Variants in FBXO42 observed in about 807,000 individuals in gnomAD.
FBXO42 encodes F-box protein 42, also known as F-box only protein 42.
A neutral mutation model predicts 71.7 loss-of-function variants in FBXO42; 12 were observed. That is an observed-to-expected ratio of 0.17 (90% CI 0.11 to 0.27). The LOEUF (loss-of-function observed/expected upper bound fraction) is 0.27. FBXO42 is among the 10% of genes least tolerant of loss of function. The probability of loss-of-function intolerance (pLI) is 1.00; values close to 1 mark genes in which losing one functional copy is unlikely to be tolerated. For synonymous variants in FBXO42, 325 were observed against 327.5 expected (o/e 0.99, Z 0.08); for missense variants, 707 against 911.9 (o/e 0.78, Z 2.89).
intron 1 of FBXO42, among the ~76,000 whole-genome samples, chr1:16,345,926 G>A (rs1450982273): frequency 6.6e-6 from 1 of 151,190 alleles, no homozygotes; most frequent in Admixed American, 6.6e-5. Context: ...GATACAAGGT[G>A]AATCCGGGAT....
In FBXO42 at chr1:16,250,474, A is replaced by AATATAT. The variant is rs527475077; in HGVS notation, c.*190_*195dup. 834 of 167,974 alleles carry AATATAT rather than the reference A, an allele frequency of 5.0e-3. 9 individuals carry two copies. Among genetic ancestry groups the AATATAT allele is most frequent in the African/African-American group, 0.02 (797 of 40,850 alleles). 10.4% of individuals were successfully genotyped at this position (167,974 alleles called of 1,614,324 possible). A position where few individuals can be genotyped will look rare whatever the true frequency, so the allele number is the denominator to read the frequency against. On this transcript the variant is annotated 3_prime_UTR_variant, in exon 10 of 10. Coordinates refer to ENST00000375592, the MANE Select transcript of FBXO42 (RefSeq NM_018994.3). The surrounding 1 kb of genome is among the most constrained non-coding windows in gnomAD (Gnocchi z 4.7). ...TTTTTGTCAACAGAGTTGGCTATATAATATATATATATATATTTATATATA... is the reference window on the plus strand; with the variant it reads ...TTTTTGTCAACAGAGTTGGCTATATAATATATATATATATATATATATTTATATATA...
intron 2 of FBXO42, among the ~76,000 whole-genome samples, chr1:16,309,417 T>C (rs1405492782): frequency 1.3e-5 from 2 of 152,028 alleles, no homozygotes; most frequent in African/African-American, 2.4e-5. Context: ...CCAAAAATGA[T>C]GCTGAAATAA....
At chr1:16,278,368 A>C (rs900533782) in intron 4 of FBXO42, among the ~76,000 whole-genome samples, 6 of 151,506 alleles carry the variant, frequency 4.0e-5, no homozygotes, top group Non-Finnish European at 5.9e-5. Context: ...AAAAAAAAAA[A>C]CAAAAAACAA....
At chr1:16,336,685 TAGA>T (rs1406710422) in intron 1 of FBXO42, among the ~76,000 whole-genome samples, 1 of 151,466 alleles carries the variant, frequency 6.6e-6, no homozygotes, top group African/African-American at 2.4e-5. Flanking sequence ...GACATATTCA[TAGA>T]AGAAGGATGT....
intron 3 of FBXO42, among the ~76,000 whole-genome samples, chr1:16,296,548 G>T (rs2082131951): frequency 6.6e-6 from 1 of 151,676 alleles, no homozygotes; most frequent in Non-Finnish European, 1.5e-5. Context: ...TACTCAGGAG[G>T]CTGAGGCAGG....
At position 16,251,249 on chromosome 1, in the gene FBXO42, TC is replaced by T; in HGVS notation, c.1574del (p.Gly525GlufsTer3). ...TCTGTTCAGGAGGGTGTCTCATACT[TC>T]CCCCAACTGTCCTATTGTCCATGCC... ...MDGMDNRTVG[G>X]SMRHPPEQTN... On this transcript the variant is annotated frameshift_variant, in exon 10 of 10. Coordinates refer to ENST00000375592, the MANE Select transcript of FBXO42 (RefSeq NM_018994.3). LOFTEE classifies it high-confidence loss of function. The surrounding 1 kb of genome is among the most constrained non-coding windows in gnomAD (Gnocchi z 4.5). 6.2e-7 allele frequency: 1 copy of T among 1,614,112 alleles called. No individual in the cohort carries two copies. The highest frequency in any genetic ancestry group is 8.5e-7 in the Non-Finnish European group (1 of 1,180,006).
chr1:16,252,529 T>C lies in FBXO42; in HGVS notation c.922-125A>G, dbSNP rs1326217214. 6 of 689,862 alleles carry C rather than the reference T, an allele frequency of 8.7e-6. No homozygotes were observed. Among genetic ancestry groups the C allele is most frequent in the Middle Eastern group, 7.7e-4 (2 of 2,612 alleles). The allele number at this position is 689,862 out of a possible 1,614,324, so 42.7% of individuals were successfully genotyped here. Reference sequence around the variant, plus strand: ...AAAGGATGTGGACTCTTCAGAAGGATAGCAAAATCCTCAGTTAATTATTCA... The same window carrying C: ...AAAGGATGTGGACTCTTCAGAAGGACAGCAAAATCCTCAGTTAATTATTCA... On this transcript the variant is annotated intron_variant, in intron 8 of 9. Coordinates refer to ENST00000375592, the MANE Select transcript of FBXO42 (RefSeq NM_018994.3). The surrounding 1 kb of genome is among the most constrained non-coding windows in gnomAD (Gnocchi z 4.4).
At chr1:16,295,932 G>A (rs918313362) in intron 3 of FBXO42, among the ~76,000 whole-genome samples, 5 of 152,076 alleles carry the variant, frequency 3.3e-5, no homozygotes, top group African/African-American at 4.8e-5. Context: ...GGTTGGAGCC[G>A]ACTAGAAAAC....
At position 16,270,789 on chromosome 1, in the gene FBXO42, CACAT is replaced by C. The variant is rs1224646371; in HGVS notation, c.503-14034_503-14031del. ...ACACACACACACACACACACACACA[CACAT>C]ATAAAATTCCATTCTTTGAGCAACT... On this transcript the variant is annotated intron_variant, in intron 4 of 9. Coordinates refer to ENST00000375592, the MANE Select transcript of FBXO42 (RefSeq NM_018994.3). Among the ~76,000 whole-genome samples the C allele has an allele frequency of 4.0e-3, 591 of 147,818 alleles. 6 individuals carry two copies. The highest frequency in any genetic ancestry group is 0.014 in the African/African-American group (564 of 39,276).
At chr1:16,343,115 C>T (rs1447315774) in intron 1 of FBXO42, among the ~76,000 whole-genome samples, 1 of 152,190 alleles carries the variant, frequency 6.6e-6, no homozygotes, top group Admixed American at 6.6e-5. Flanking sequence ...AAGACACCTA[C>T]TCTACCATCT....
At chr1:16,274,944 T>G (rs1386941402) in intron 4 of FBXO42, among the ~76,000 whole-genome samples, 1 of 152,162 alleles carries the variant, frequency 6.6e-6, no homozygotes, top group East Asian at 1.9e-4. Context: ...ATCGCTAATG[T>G]AAAAGCTGGC....
At chr1:16,325,189 T>C (rs778364339) in intron 1 of FBXO42, among the ~76,000 whole-genome samples, 5 of 151,920 alleles carry the variant, frequency 3.3e-5, no homozygotes, top group African/African-American at 4.8e-5. Context: ...AGTGAGCCAA[T>C]ATCATGCCAC....
Position 16,254,930 on chromosome 1 carries a change from T to C in FBXO42, c.767+781A>G, listed in dbSNP as rs2081623995. 2.6e-5 allele frequency among the ~76,000 whole-genome samples: 4 copies of C among 152,234 alleles called. 1 individual carries two copies. In the South Asian group the frequency reaches 8.3e-4, roughly 32 times the overall value. ...CCACAACCCATCCCATTTGTTTTTT[T>C]CTTTTCTTTCCTTCTTTCTTTCTTT... On this transcript the variant is annotated intron_variant, in intron 6 of 9. Coordinates refer to ENST00000375592, the MANE Select transcript of FBXO42 (RefSeq NM_018994.3).
chr1:16,316,730 C>CAAAAAAAAA (rs71003274), intron 1 of FBXO42, among the ~76,000 whole-genome samples: 9 of 51,574 alleles, frequency 1.7e-4, no homozygotes, highest in Non-Finnish European at 1.7e-4. Context: ...GAAAGACTCT[C>CAAAAAAAAA]AAAAAAAAAA....
intron 1 of FBXO42, among the ~76,000 whole-genome samples, chr1:16,339,295 T>C (rs2082581207): frequency 6.6e-6 from 1 of 152,078 alleles, no homozygotes; most frequent in Non-Finnish European, 1.5e-5. Context: ...TGTCACACTA[T>C]TTCATATTGT....
chr1:16,352,103 G>T (rs1308871589), intron 1 of FBXO42, among the ~76,000 whole-genome samples, 152 bp downstream of exon 1: 1 of 152,232 alleles, frequency 6.6e-6, no homozygotes, highest in Non-Finnish European at 1.5e-5. Flanking sequence ...GACGGCGATA[G>T]CAAGTCACCC....
intron 4 of FBXO42, among the ~76,000 whole-genome samples, chr1:16,284,031 C>T (rs1280494974): frequency 3.3e-5 from 5 of 152,136 alleles, no homozygotes; most frequent in African/African-American, 1.2e-4. Context: ...ATTTCAGAAA[C>T]AGTGGTTTAA....
chr1:16,286,011 C>A (rs531472366), intron 4 of FBXO42, among the ~76,000 whole-genome samples: 2 of 152,006 alleles, frequency 1.3e-5, no homozygotes, highest in Admixed American at 1.3e-4. Flanking sequence ...ATCAGCCTTC[C>A]GAGCAGCTGG....
intron 1 of FBXO42, among the ~76,000 whole-genome samples, chr1:16,334,484 C>G (rs2082532806): frequency 6.6e-6 from 1 of 151,840 alleles, no homozygotes; most frequent in African/African-American, 2.4e-5. Flanking sequence ...AGAACACCTC[C>G]CTGGCACTTG....
Sources: allele counts gnomAD v4.1 joint callset (sites outside exome capture counted in the v4.1 genomes callset), GRCh38; gene constraint gnomAD v4.1.1; non-coding constraint Gnocchi (gnomAD v3.1); transcripts MANE v1.5; gene names NCBI Gene and HGNC (gene_info 2026-07-23, HGNC 2026-07-21).